The following BMPER variants were observed in gnomAD, a reference collection of about 807,000 sequenced individuals.
The protein encoded by BMPER is BMP binding endothelial regulator.
In BMPER, 45 loss-of-function variants were observed where a neutral mutation model predicts 87.3. The ratio of observed to expected loss-of-function variants is 0.52; its 90% CI spans 0.41 to 0.66. The LOEUF (loss-of-function observed/expected upper bound fraction) is 0.66, where lower values mean the gene tolerates loss of function less well. Ranked by LOEUF, BMPER falls within the 30% of genes least tolerant of loss-of-function variation. The pLI, the probability that BMPER is intolerant of heterozygous loss-of-function variation, is 0.00. For synonymous variants in BMPER, 326 were observed against 316.2 expected (o/e 1.03, Z -0.33); for missense variants, 784 against 867.5 (o/e 0.90, Z 1.21).
chr7:34,030,627 A>AT (rs879593783), intron 6 of BMPER, among the ~76,000 whole-genome samples: 12,537 of 147,176 alleles, frequency 0.085, 724 homozygotes, highest in Admixed American at 0.17. Flanking sequence ...AATTACATTG[A>AT]TTTTTTTTTT....
intron 13 of BMPER, among the ~76,000 whole-genome samples, chr7:34,106,556 C>G (rs1048885810): frequency 6.6e-6 from 1 of 152,206 alleles, no homozygotes; most frequent in African/African-American, 2.4e-5. Flanking sequence ...CCTCATTCCC[C>G]CAAGCCTGCT....
chr7:34,086,251 G>T (rs1421454562), intron 13 of BMPER, among the ~76,000 whole-genome samples, 159 bp downstream of exon 13: 1 of 152,168 alleles, frequency 6.6e-6, no homozygotes, highest in Non-Finnish European at 1.5e-5. Flanking sequence ...TCTTGAGTCA[G>T]CCCCATTCTA....
intron 6 of BMPER, among the ~76,000 whole-genome samples, chr7:34,023,051 A>G (rs914748133): frequency 2.6e-5 from 4 of 152,088 alleles, no homozygotes; most frequent in Non-Finnish European, 5.9e-5. Flanking sequence ...CTTGGGCTCC[A>G]TTGTACTCGA....
chr7:33,992,099 T>G (rs1273388731), intron 6 of BMPER, among the ~76,000 whole-genome samples: 1 of 152,062 alleles, frequency 6.6e-6, no homozygotes, highest in Non-Finnish European at 1.5e-5. Flanking sequence ...TTCTGTTGAT[T>G]TGGGGTGGAG....
In BMPER at chr7:34,153,443, A is replaced by G; in HGVS notation, c.*170A>G. 1 of 681,782 alleles carries G rather than the reference A, an allele frequency of 1.5e-6. No individual in the cohort carries two copies. Among genetic ancestry groups the G allele is most frequent in the Non-Finnish European group, 2.4e-6 (1 of 409,576 alleles). The allele number at this position is 681,782 out of a possible 1,614,324, so 42.2% of individuals were successfully genotyped here. On this transcript the variant is annotated 3_prime_UTR_variant, in exon 15 of 15. Coordinates refer to ENST00000649409, the MANE Select transcript of BMPER (RefSeq NM_001365308.1). ...TCAAAAACATTGCATCATTTATATG[A>G]ACTATAGGGGGATTATTATATGTAT...
intron 13 of BMPER, among the ~76,000 whole-genome samples, chr7:34,105,459 T>A (rs1789793591): frequency 6.6e-6 from 1 of 152,146 alleles, no homozygotes; most frequent in African/African-American, 2.4e-5. Context: ...CCTGTCAAAG[T>A]CAATCACATT....
chr7:33,956,752 T>C (rs1562652200), intron 3 of BMPER, among the ~76,000 whole-genome samples: 1 of 152,242 alleles, frequency 6.6e-6, no homozygotes, highest in African/African-American at 2.4e-5. Flanking sequence ...TTTTCTTTTC[T>C]CTAGCTTACT....
At chr7:33,912,117 TAAACAAAC>T (rs370670959) in intron 2 of BMPER, among the ~76,000 whole-genome samples, 1 of 152,086 alleles carries the variant, frequency 6.6e-6, no homozygotes, top group African/African-American at 2.4e-5. Context: ...CCATTAAACA[TAAACAAAC>T]AAACAAACAA....
rs1484767245 is a variant in BMPER, at chr7:34,153,286, T to A, written c.*13T>A. 6.2e-7 allele frequency: 1 copy of A among 1,613,658 alleles called. No individual in the cohort carries two copies. The highest frequency in any genetic ancestry group is 2.2e-5 in the East Asian group (1 of 44,874). On this transcript the variant is annotated 3_prime_UTR_variant, in exon 15 of 15. Coordinates refer to ENST00000649409, the MANE Select transcript of BMPER (RefSeq NM_001365308.1). ...TCCCCAGCGGTGACCTTTGTTTCGA[T>A]CCTTAAGACTCTGAAATCTGGTGAC...
intron 2 of BMPER, chr7:33,921,698 T>C (rs1015274102): frequency 1.7e-5 from 8 of 470,158 alleles, no homozygotes; most frequent in Non-Finnish European, 3.1e-5. Context: ...AGGGATACGC[T>C]CTGTTTCCTG....
intron 6 of BMPER, among the ~76,000 whole-genome samples, chr7:33,979,194 C>T (rs577084301): frequency 3.9e-5 from 6 of 152,136 alleles, no homozygotes; most frequent in East Asian, 1.9e-4. Context: ...TGCATACACA[C>T]GTTTGGAATA....
chr7:34,104,958 A>G lies in BMPER; in HGVS notation c.1745+18866A>G, dbSNP rs558521989. ...GATTCCCAGAGATGTTCCTTACCCC[A>G]TACATGTAGTTTTATTTGCTTATTT... is the stretch of plus-strand genomic sequence containing the variant. On this transcript the variant is annotated intron_variant, in intron 13 of 14. Coordinates refer to ENST00000649409, the MANE Select transcript of BMPER (RefSeq NM_001365308.1). Among the ~76,000 whole-genome samples the G allele has an allele frequency of 2.6e-5, 4 of 152,268 alleles. No homozygotes were observed. In the East Asian group the frequency reaches 7.7e-4, roughly 29 times the overall value.
Position 33,921,259 on chromosome 7 carries a change from G to A in BMPER, c.219+14356G>A, listed in dbSNP as rs73310811. The stretch of plus-strand genomic sequence containing the variant: ...ACTTTAATCTTAATAGCTATTTTGC[G>A]AACAAACAGTGTATTCATAAGCTGG... On this transcript the variant is annotated intron_variant, in intron 2 of 14. Coordinates refer to ENST00000649409, the MANE Select transcript of BMPER (RefSeq NM_001365308.1). Among the ~76,000 whole-genome samples, 960 of 152,202 alleles carry A rather than the reference G, an allele frequency of 6.3e-3. 8 individuals are homozygous for A. Among genetic ancestry groups the A allele is most frequent in the African/African-American group, 0.022 (896 of 41,520 alleles).
chr7:34,136,593 C>T (rs1247186403), intron 13 of BMPER, among the ~76,000 whole-genome samples: 1 of 152,164 alleles, frequency 6.6e-6, no homozygotes, highest in East Asian at 1.9e-4. Context: ...TGCCCAGGTA[C>T]CAATAAACCT....
intron 11 of BMPER, among the ~76,000 whole-genome samples, chr7:34,064,798 G>A (rs1047464155): frequency 2.0e-5 from 3 of 152,206 alleles, no homozygotes; most frequent in Non-Finnish European, 4.4e-5. Flanking sequence ...CTCTCCAGCA[G>A]TTCTTCCATC....
chr7:34,027,295 G>GT (rs1348435512), intron 6 of BMPER, among the ~76,000 whole-genome samples: 1 of 152,092 alleles, frequency 6.6e-6, no homozygotes, highest in African/African-American at 2.4e-5. Context: ...TGCTCCGATG[G>GT]TGAGTAAAAG....
intron 5 of BMPER, among the ~76,000 whole-genome samples, 169 bp from the exon 6 acceptor site, chr7:33,974,533 C>T (rs983619859): frequency 5.9e-5 from 9 of 152,094 alleles, no homozygotes; most frequent in African/African-American, 1.2e-4. Flanking sequence ...CCATGCCCAT[C>T]GTTTGCCTCT....
intron 13 of BMPER, among the ~76,000 whole-genome samples, chr7:34,095,194 C>G (rs184270084): frequency 5.9e-5 from 9 of 152,252 alleles, no homozygotes; most frequent in African/African-American, 2.2e-4. Context: ...ATAATCAACT[C>G]GCCCTCAGTG....
intron 13 of BMPER, among the ~76,000 whole-genome samples, chr7:34,140,762 C>T (rs1232726393): frequency 2.6e-5 from 4 of 152,210 alleles, no homozygotes; most frequent in Admixed American, 1.3e-4. Context: ...TCCCCTTACC[C>T]GAACAAATTA....
Sources: allele counts gnomAD v4.1 joint callset (sites outside exome capture counted in the v4.1 genomes callset), GRCh38; gene constraint gnomAD v4.1.1; transcripts MANE v1.5; gene names NCBI Gene and HGNC (gene_info 2026-07-23, HGNC 2026-07-21).